CHIA: variants seen among roughly 807,000 people sequenced by gnomAD.
CHIA encodes acidic mammalian chitinase.
CHIA carries 47 observed loss-of-function variants against 53.5 expected under a neutral mutation model. The ratio of observed to expected loss-of-function variants is 0.88; its 90% CI spans 0.70 to 1.12. CHIA has a LOEUF of 1.12. CHIA is among the 50% of genes most tolerant of loss of function. The probability of loss-of-function intolerance (pLI) is 0.00; values close to 1 mark genes in which losing one functional copy is unlikely to be tolerated. For missense variants in CHIA, 652 were observed against 592.2 expected, an observed-to-expected ratio of 1.10 and a Z score of -1.05; for synonymous variants, 268 against 222.2, an observed-to-expected ratio of 1.21 and a Z score of -1.83.
chr1:111,297,063 T>C (rs1176544492), intron 1 of CHIA, among the ~76,000 whole-genome samples: 5 of 152,076 alleles, frequency 3.3e-5, no homozygotes, highest in Non-Finnish European at 1.5e-5. Flanking sequence ...CTCCAAGAAA[T>C]ATGGGACCAT....
At position 111,291,834 on chromosome 1, in the gene CHIA, G is replaced by C. The variant is rs867946026; in HGVS notation, c.-69+884G>C. Among the ~76,000 whole-genome samples, 125 of 151,052 alleles carry C rather than the reference G, an allele frequency of 8.3e-4. 1 individual carries two copies. Among genetic ancestry groups the C allele is most frequent in the Middle Eastern group, 3.4e-3 (1 of 292 alleles). On this transcript the variant is annotated intron_variant, in intron 1 of 11. Coordinates refer to ENST00000369740, the MANE Select transcript of CHIA (RefSeq NM_201653.4). ...GCAACACACACTGGGGCCTGTCGGG[G>C]GGGGGTGGGGGTAGGGAAAGCATCA...
chr1:111,299,817 T>C (rs1000947374), intron 1 of CHIA, among the ~76,000 whole-genome samples: 5 of 152,246 alleles, frequency 3.3e-5, no homozygotes, highest in Non-Finnish European at 7.3e-5. Context: ...GACATGATTG[T>C]ATATTTAGAA....
At position 111,311,247 on chromosome 1, in the gene CHIA, C is replaced by T. The variant is rs542137590; in HGVS notation, c.26-442C>T. Among the ~76,000 whole-genome samples, 38 of 152,276 alleles carry T rather than the reference C, an allele frequency of 2.5e-4. 1 individual carries two copies. Among genetic ancestry groups the T allele is most frequent in the Middle Eastern group, 3.4e-3 (1 of 294 alleles). ...TAGCTCTTCTCTCCTCATATAAGGC[C>T]TCCTGAAAGTCATTCCAAAAAACCA... On this transcript the variant is annotated intron_variant, in intron 2 of 11. Coordinates refer to ENST00000369740, the MANE Select transcript of CHIA (RefSeq NM_201653.4).
At chr1:111,319,891 A>G (rs1649518126) in intron 11 of CHIA, among the ~76,000 whole-genome samples, 1 of 152,208 alleles carries the variant, frequency 6.6e-6, no homozygotes, top group Admixed American at 6.5e-5. Flanking sequence ...GATTTTTCCT[A>G]GAATTTATTT....
intron 1 of CHIA, among the ~76,000 whole-genome samples, chr1:111,308,483 G>A (rs987367641): frequency 6.6e-6 from 1 of 152,204 alleles, no homozygotes; most frequent in African/African-American, 2.4e-5. Context: ...AGCAAAATTG[G>A]TGTGATAGTA....
In CHIA at chr1:111,311,697, C is replaced by G. The variant is rs771419256; in HGVS notation, c.34C>G (p.Leu12Val). Residue 12 changes from leucine to valine, a missense_variant, in exon 3 of 12, where the codon CTT becomes GTT. Leu to Val is a conservative substitution (Grantham distance 32). Transcript: ENST00000369740. Reference protein sequence around the residue: ...TKLILLTGLVLILNLQLGSAY... With the variant: ...TKLILLTGLVVILNLQLGSAY... ...TTTTTCTTTCTATCCAGGTCTTGTC[C>G]TTATACTGAATTTGCAGCTCGGTAA... 4.3e-6 allele frequency: 7 copies of G among 1,613,924 alleles called. No homozygotes were observed. In the South Asian group the frequency reaches 7.7e-5, roughly 18 times the overall value.
intron 11 of CHIA, among the ~76,000 whole-genome samples, chr1:111,319,998 G>A (rs567419490): frequency 6.6e-6 from 1 of 152,180 alleles, no homozygotes; most frequent in South Asian, 2.1e-4. Flanking sequence ...TAAGGAAAGA[G>A]CAACCTTTTT....
intron 1 of CHIA, among the ~76,000 whole-genome samples, chr1:111,295,144 C>G (rs1661262405): frequency 6.6e-6 from 1 of 152,300 alleles, no homozygotes; most frequent in Non-Finnish European, 1.5e-5. Flanking sequence ...CCTCTCAAGT[C>G]ATCTGGTCTA....
At chr1:111,306,810 A>G (rs1466182046) in intron 1 of CHIA, among the ~76,000 whole-genome samples, 3 of 152,220 alleles carry the variant, frequency 2.0e-5, no homozygotes, top group African/African-American at 7.2e-5. Flanking sequence ...CATTTCACAG[A>G]AAAGGAAACA....
At chr1:111,311,484 G>A (rs147839092) in intron 2 of CHIA, among the ~76,000 whole-genome samples, 133 of 152,302 alleles carry the variant, frequency 8.7e-4, no homozygotes, top group African/African-American at 3.0e-3. Context: ...AAAGGTGTGA[G>A]ACGAAGGTAC....
At chr1:111,292,596 C>T (rs1171332711) in intron 1 of CHIA, among the ~76,000 whole-genome samples, 1 of 152,154 alleles carries the variant, frequency 6.6e-6, no homozygotes, top group Admixed American at 6.5e-5. Context: ...TAGACCAAAA[C>T]AAATTACCAA....
chr1:111,319,403 T>G lies in CHIA; in HGVS notation c.1112T>G (p.Phe371Cys). The G allele has an allele frequency of 6.2e-7, 1 of 1,614,206 alleles. No homozygotes were observed. The highest frequency in any genetic ancestry group is 1.3e-5 in the African/African-American group (1 of 75,046). Reference protein sequence around the residue: ...AIDLDDFTGTFCNQGKFPLIS... With the variant: ...AIDLDDFTGTCCNQGKFPLIS... ...GATCTGGATGACTTCACTGGCACTT[T>G]CTGCAACCAGGGCAAGTTTCCCCTA... The change falls in exon 11 of 12, where the codon TTC becomes TGC. Residue 371 changes from phenylalanine (F) to cysteine (C), a missense_variant. Physicochemically the swap from Phe to Cys is radical, Grantham distance 205 (BLOSUM62 -2). Transcript: ENST00000369740.
At chr1:111,300,925 T>C (rs1647672799) in intron 1 of CHIA, among the ~76,000 whole-genome samples, 1 of 152,294 alleles carries the variant, frequency 6.6e-6, no homozygotes. Context: ...GCAAAGGATA[T>C]GAACAGACAC....
At chr1:111,292,419 G>A (rs1431931361) in intron 1 of CHIA, among the ~76,000 whole-genome samples, 1 of 152,158 alleles carries the variant, frequency 6.6e-6, no homozygotes. Flanking sequence ...CCTTTGTGCT[G>A]GACAGATGTG....
intron 1 of CHIA, among the ~76,000 whole-genome samples, chr1:111,295,913 G>A (rs557476506): frequency 4.6e-5 from 7 of 152,210 alleles, no homozygotes; most frequent in Admixed American, 1.3e-4. Flanking sequence ...ATTATATCCC[G>A]CACCTGGCTC....
At chr1:111,311,542 T>C in intron 2 of CHIA, 147 bp from the exon 3 acceptor site, 1 of 838,478 alleles carries the variant, frequency 1.2e-6, no homozygotes, top group Non-Finnish European at 2.0e-6. Flanking sequence ...TACTGTTGTA[T>C]TCACTGAAAA....
chr1:111,304,339 T>C (rs774122298), intron 1 of CHIA, among the ~76,000 whole-genome samples: 13 of 152,208 alleles, frequency 8.5e-5, no homozygotes, highest in Non-Finnish European at 1.3e-4. Context: ...CCTTTCTTTC[T>C]CTTTTATTTT....
At chr1:111,310,961 C>T (rs1648614883) in intron 2 of CHIA, among the ~76,000 whole-genome samples, 1 of 152,128 alleles carries the variant, frequency 6.6e-6, no homozygotes, top group Non-Finnish European at 1.5e-5. Context: ...TCTATTTACT[C>T]CCCTATTATC....
intron 1 of CHIA, among the ~76,000 whole-genome samples, chr1:111,304,866 A>G (rs529768485): frequency 6.6e-6 from 1 of 152,156 alleles, no homozygotes; most frequent in South Asian, 2.1e-4. Context: ...TGAAAAGCAG[A>G]TTCTCCCCTT....
Sources: gnomAD v4.1 joint callset for allele counts (sites outside exome capture counted in the v4.1 genomes callset) on GRCh38, gnomAD v4.1.1 for gene constraint, MANE v1.5 for transcripts, NCBI Gene and HGNC (gene_info 2026-07-23, HGNC 2026-07-21) for gene names.